Variants in OSBP2 observed in about 807,000 individuals in gnomAD.
OSBP2 encodes oxysterol binding protein 2, also known as oxysterol-binding protein 2.
Under a neutral mutation model 96.0 loss-of-function variants are expected in OSBP2, and 66 were observed. That is an observed-to-expected ratio of 0.69 (90% CI 0.56 to 0.84). OSBP2 has a LOEUF of 0.84. Ranked by LOEUF, OSBP2 falls within the 40% of genes least tolerant of loss-of-function variation. The probability of loss-of-function intolerance (pLI) is 0.00; values close to 1 mark genes in which losing one functional copy is unlikely to be tolerated. For synonymous variants in OSBP2, 525 were observed against 520.9 expected (o/e 1.01, Z -0.11); for missense variants, 1,038 against 1,222.7 (o/e 0.85, Z 2.25).
chr22:30,807,232 C>A (rs774931558), intron 2 of OSBP2, among the ~76,000 whole-genome samples: 1 of 152,162 alleles, frequency 6.6e-6, no homozygotes, highest in Non-Finnish European at 1.5e-5. Flanking sequence ...GCCCCTGCCC[C>A]CGCGAGACTC....
intron 2 of OSBP2, among the ~76,000 whole-genome samples, chr22:30,836,880 C>G (rs1364453078): frequency 1.3e-5 from 2 of 152,090 alleles, no homozygotes; most frequent in Admixed American, 1.3e-4. Context: ...GTCCCCAGTG[C>G]CTTATGTAGT....
At position 30,881,948 on chromosome 22, in the gene OSBP2, G is replaced by C. The variant is rs946446672; in HGVS notation, c.1108-5478G>C. 3 of 626,282 alleles carry C rather than the reference G, an allele frequency of 4.8e-6. No individual in the cohort carries two copies. Among genetic ancestry groups the C allele is most frequent in the Non-Finnish European group, 7.3e-6 (3 of 410,752 alleles). 38.8% of individuals were successfully genotyped at this position (626,282 alleles called of 1,614,324 possible). A position where few individuals can be genotyped will look rare whatever the true frequency, so the allele number is the denominator to read the frequency against. ...GGCACAGCAGTTTTCACCCTGCCCCGCTTTTAGGTGACTGTGACACTCTAC... is the reference window on the plus strand; with the variant it reads ...GGCACAGCAGTTTTCACCCTGCCCCCCTTTTAGGTGACTGTGACACTCTAC... On this transcript the variant is annotated intron_variant, in intron 3 of 13. Coordinates refer to ENST00000332585, the MANE Select transcript of OSBP2 (RefSeq NM_030758.4). The surrounding 1 kb of genome is among the most constrained non-coding windows in gnomAD (Gnocchi z 4.5).
chr22:30,858,176 G>T (rs1323486796), intron 2 of OSBP2, among the ~76,000 whole-genome samples: 2 of 146,492 alleles, frequency 1.4e-5, no homozygotes, highest in African/African-American at 5.3e-5. Flanking sequence ...GTCTCGCTCT[G>T]TCGCCCAGGC....
rs983951227 is a variant in OSBP2, at chr22:30,844,331, G to C, written c.854-26098G>C. ...CTCCTCTGTAGCTATGAAAGCCCTAGATGACATCTTCTTCCAACAGAAGAC... is the reference window on the plus strand; with the variant it reads ...CTCCTCTGTAGCTATGAAAGCCCTACATGACATCTTCTTCCAACAGAAGAC... On this transcript the variant is annotated intron_variant, in intron 2 of 13. Transcript: ENST00000332585. Among the ~76,000 whole-genome samples the C allele has an allele frequency of 1.8e-4, 27 of 152,274 alleles. 4 individuals carry two copies. Among genetic ancestry groups the C allele is most frequent in the Admixed American group, 1.5e-3 (23 of 15,288 alleles).
At chr22:30,827,876 T>G (rs1173309675) in intron 2 of OSBP2, among the ~76,000 whole-genome samples, 1 of 152,164 alleles carries the variant, frequency 6.6e-6, no homozygotes, top group African/African-American at 2.4e-5. Flanking sequence ...GCCATATCAT[T>G]GTACAGATGG....
chr22:30,804,566 T>C (rs1207393034), intron 2 of OSBP2, among the ~76,000 whole-genome samples: 1 of 152,212 alleles, frequency 6.6e-6, no homozygotes, highest in Non-Finnish European at 1.5e-5. Flanking sequence ...GCCAAGAATG[T>C]GTTAGCATTA....
chr22:30,754,718 G>GGGTCT (rs2090120415), intron 2 of OSBP2, among the ~76,000 whole-genome samples: 1 of 152,122 alleles, frequency 6.6e-6, no homozygotes, highest in African/African-American at 2.4e-5. Flanking sequence ...CCTCATCTTG[G>GGGTCT]GGTCTCCATG....
At chr22:30,802,586 A>G (rs559088290) in intron 2 of OSBP2, among the ~76,000 whole-genome samples, 1 of 152,304 alleles carries the variant, frequency 6.6e-6, no homozygotes, top group East Asian at 1.9e-4. Flanking sequence ...GCATTTTAAG[A>G]GGCTGAGGTG....
chr22:30,717,090 T>TTTTTG (rs71328866), intron 1 of OSBP2, among the ~76,000 whole-genome samples: 4 of 118,320 alleles, frequency 3.4e-5, no homozygotes, highest in African/African-American at 1.3e-4. Flanking sequence ...TTTACTGTTT[T>TTTTTG]TGTGTGTGTG....
chr22:30,712,416 T>C (rs2089367383), intron 1 of OSBP2, among the ~76,000 whole-genome samples: 1 of 152,206 alleles, frequency 6.6e-6, no homozygotes, highest in Non-Finnish European at 1.5e-5. Context: ...TTGTTGGTTC[T>C]GGGTCCTTTG....
chr22:30,697,936 C>A (rs986986940), intron 1 of OSBP2, among the ~76,000 whole-genome samples: 2 of 152,168 alleles, frequency 1.3e-5, no homozygotes, highest in Non-Finnish European at 2.9e-5. Flanking sequence ...GCTGTGTGTC[C>A]GAATGCCACC....
Position 30,871,444 on chromosome 22 carries a change from TCCTC to T in OSBP2, c.1107+765_1107+768del, listed in dbSNP as rs1424436015. On this transcript the variant is annotated intron_variant, in intron 3 of 13. Coordinates refer to ENST00000332585, the MANE Select transcript of OSBP2 (RefSeq NM_030758.4). The surrounding 1 kb of genome is among the most constrained non-coding windows in gnomAD (Gnocchi z 4.7). The stretch of plus-strand genomic sequence containing the variant: ...AGACACAGGTCTGACTGCAACAGCC[TCCTC>T]CCAGGACAGTCCCCCAGGGCGGCAC... 6.6e-6 allele frequency among the ~76,000 whole-genome samples: 1 copy of T among 151,884 alleles called. No homozygotes were observed. Among genetic ancestry groups the T allele is most frequent in the Non-Finnish European group, 1.5e-5 (1 of 67,954 alleles).
At chr22:30,782,596 C>G (rs1188384853) in intron 2 of OSBP2, among the ~76,000 whole-genome samples, 3 of 152,214 alleles carry the variant, frequency 2.0e-5, no homozygotes, top group Non-Finnish European at 4.4e-5. Flanking sequence ...GCCTGCGTCA[C>G]TAGTGTGTTG....
chr22:30,751,789 G>T (rs1276616324), intron 2 of OSBP2, among the ~76,000 whole-genome samples: 1 of 152,172 alleles, frequency 6.6e-6, no homozygotes, highest in East Asian at 1.9e-4. Context: ...CTTGAGAGGT[G>T]AAAGGAAAAA....
chr22:30,847,203 C>T (rs997807518), intron 2 of OSBP2, among the ~76,000 whole-genome samples: 1 of 151,994 alleles, frequency 6.6e-6, no homozygotes, highest in Non-Finnish European at 1.5e-5. Context: ...GTCTCAAACT[C>T]CTGAACTCAG....
At chr22:30,838,586 G>A (rs376274513) in intron 2 of OSBP2, among the ~76,000 whole-genome samples, 19 of 152,076 alleles carry the variant, frequency 1.2e-4, no homozygotes, top group African/African-American at 2.2e-4. Flanking sequence ...CATTAACTAC[G>A]ATCTGCACTG....
At position 30,890,067 on chromosome 22, in the gene OSBP2, C is replaced by G. The variant is rs949670189; in HGVS notation, c.1623+431C>G. Among the ~76,000 whole-genome samples the G allele has an allele frequency of 6.6e-6, 1 of 152,204 alleles. No homozygotes were observed. The highest frequency in any genetic ancestry group is 2.4e-5 in the African/African-American group (1 of 41,450). On this transcript the variant is annotated intron_variant, in intron 7 of 13. Coordinates refer to ENST00000332585, the MANE Select transcript of OSBP2 (RefSeq NM_030758.4). This position sits in a 1 kb window ranked among gnomAD's most constrained non-coding sequence, Gnocchi z 4.4. The stretch of plus-strand genomic sequence containing the variant: ...GAGCTTGGATCCTCATGCCACCTGG[C>G]TACAGTGGCATCTCCACTAGGCCAG...
chr22:30,866,181 C>T (rs2039331992), intron 2 of OSBP2, among the ~76,000 whole-genome samples: 1 of 152,206 alleles, frequency 6.6e-6, no homozygotes, highest in Non-Finnish European at 1.5e-5. Context: ...AGGGATGTTG[C>T]AGATACAATG....
intron 1 of OSBP2, among the ~76,000 whole-genome samples, chr22:30,728,360 A>G (rs1461866568): frequency 2.7e-5 from 4 of 147,270 alleles, no homozygotes; most frequent in Non-Finnish European, 4.5e-5. Context: ...GCGCCACTGC[A>G]CTCCAGCCTG....
Sources: gnomAD v4.1 joint callset for allele counts (sites outside exome capture counted in the v4.1 genomes callset) on GRCh38, gnomAD v4.1.1 for gene constraint, Gnocchi (gnomAD v3.1) non-coding constraint, MANE v1.5 for transcripts, NCBI Gene and HGNC (gene_info 2026-07-23, HGNC 2026-07-21) for gene names.